The following FOXRED2 variants were observed in gnomAD, a reference collection of about 807,000 sequenced individuals.
FOXRED2 encodes FAD-dependent oxidoreductase domain-containing protein 2.
FOXRED2 carries 32 observed loss-of-function variants against 52.5 expected under a neutral mutation model. That is an observed-to-expected ratio of 0.61 (90% CI 0.46 to 0.82). FOXRED2 has a LOEUF of 0.82. Among genes scored for constraint, FOXRED2 ranks in the 40% least tolerant of loss-of-function variants. The pLI is 0.00. For missense variants in FOXRED2, 848 were observed against 937.5 expected, an observed-to-expected ratio of 0.90 and a Z score of 1.25; for synonymous variants, 405 against 398.1, an observed-to-expected ratio of 1.02 and a Z score of -0.21.
At chr22:36,496,305 C>T in intron 6 of FOXRED2, 97 bp from the exon 7 acceptor site, 1 of 1,446,338 alleles carries the variant, frequency 6.9e-7, no homozygotes, top group Non-Finnish European at 9.4e-7. Flanking sequence ...GTGTATCTCC[C>T]CCTCTAAGGA....
intron 6 of FOXRED2, among the ~76,000 whole-genome samples, chr22:36,496,897 G>A (rs1261554944): frequency 6.6e-6 from 1 of 152,100 alleles, no homozygotes; most frequent in Non-Finnish European, 1.5e-5. Flanking sequence ...TTGAGACAGG[G>A]GTGCCAGGCG....
At chr22:36,497,955 G>T (rs1010046841) in intron 6 of FOXRED2, 36 bp downstream of exon 6, 3 of 1,595,116 alleles carry the variant, frequency 1.9e-6, no homozygotes, top group Non-Finnish European at 2.6e-6. Context: ...CGGGAAAGCT[G>T]GGCCGAGGGG....
At chr22:36,503,197 C>T (rs1217372069) in intron 4 of FOXRED2, among the ~76,000 whole-genome samples, 1 of 151,852 alleles carries the variant, frequency 6.6e-6, no homozygotes, top group Non-Finnish European at 1.5e-5. Context: ...CCATGTTGTC[C>T]AGGCTAGTCT....
rs1568994412 is a variant in FOXRED2, at chr22:36,506,336, C to T, written c.87G>A (p.Pro29=). Residue 29 remains proline (P), a synonymous_variant, in exon 2 of 9, where the codon CCG becomes CCA. Transcript: ENST00000397224. ...CGCCCAGCACGCAGTAGTCCCGGCG[C>T]GGGGGCACCGACAGCGCTGGGTGCA... ...IALHPALSVP[P]RRDYCVLGAG... The T allele has an allele frequency of 2.0e-6, 3 of 1,494,980 alleles. No individual in the cohort carries two copies. The South Asian group carries it at 3.9e-5, about 19-fold the overall frequency. The allele number at this position is 1,494,980 out of a possible 1,614,324, so 92.6% of individuals were successfully genotyped here.
At position 36,506,172 on chromosome 22, in the gene FOXRED2, C is replaced by T. The variant is rs778518486; in HGVS notation, c.251G>A (p.Arg84Gln). 5 of 1,614,112 alleles carry T rather than the reference C, an allele frequency of 3.1e-6. No homozygotes were observed. Among genetic ancestry groups the T allele is most frequent in the East Asian group, 4.5e-5 (2 of 44,894 alleles). The change falls in exon 2 of 9, where the codon CGG becomes CAG. Residue 84 changes from arginine to glutamine, a missense_variant. Transcript: ENST00000397224. ...CTCGGCGTTAGCCTTGCCCGTGTACCGCTTGTTGATGCTGATGAGCTTGCG... is the reference window on the plus strand; with the variant it reads ...CTCGGCGTTAGCCTTGCCCGTGTACTGCTTGTTGATGCTGATGAGCTTGCG... ...RHRKLISINK[R>Q]YTGKANAEFN...
chr22:36,497,928 A>G, intron 6 of FOXRED2, 63 bp downstream of exon 6: 3 of 1,534,836 alleles, frequency 2.0e-6, no homozygotes, highest in South Asian at 1.2e-5. Flanking sequence ...TAGGAAGAGA[A>G]GCGCTATGCA....
intron 8 of FOXRED2, among the ~76,000 whole-genome samples, chr22:36,492,971 C>T (rs1294118919): frequency 2.0e-5 from 3 of 152,188 alleles, no homozygotes; most frequent in Non-Finnish European, 2.9e-5. Flanking sequence ...GGGCCAAAAC[C>T]ATGCATGTCA....
chr22:36,500,795 G>T (rs1934023077), intron 5 of FOXRED2, among the ~76,000 whole-genome samples: 1 of 152,052 alleles, frequency 6.6e-6, no homozygotes, highest in South Asian at 2.1e-4. Flanking sequence ...TGTTGCCCAG[G>T]CTGGTCTTGA....
Position 36,498,069 on chromosome 22 carries a change from G to A in FOXRED2, c.1304C>T (p.Ser435Phe). The stretch of plus-strand genomic sequence containing the variant: ...AGCCTCATTCACGCGCCGCACGATG[G>A]AGCTGGTCAGCTGTGTGATGGGGAG... ...TELPITQLTS[S>F]IVRRVNEASG... Residue 435 changes from serine to phenylalanine, a missense_variant, in exon 6 of 9, where the codon TCC (serine) becomes TTC (phenylalanine). Transcript: ENST00000397224. 6.2e-7 allele frequency: 1 copy of A among 1,614,044 alleles called. No homozygotes were observed. Among genetic ancestry groups the A allele is most frequent in the Non-Finnish European group, 8.5e-7 (1 of 1,180,030 alleles).
Position 36,504,653 on chromosome 22 carries a change from T to C in FOXRED2, c.641A>G (p.Gln214Arg). The change falls in exon 3 of 9, where the codon CAG (glutamine) becomes CGG (arginine). Residue 214 changes from glutamine (Q) to arginine (R), a missense_variant. Coordinates refer to ENST00000397224, the MANE Select transcript of FOXRED2 (RefSeq NM_001102371.2). ...CCCACGACCCAGGATCAGCACATTC[T>C]GGCCTACAAAGTCCTCAGGGTCCAC... ...VSVDPEDFVG[Q>R]NVLILGRGNS... The C allele has an allele frequency of 6.2e-7, 1 of 1,614,184 alleles. No homozygotes were observed. The highest frequency in any genetic ancestry group is 8.5e-7 in the Non-Finnish European group (1 of 1,180,028).
intron 8 of FOXRED2, 85 bp downstream of exon 8, chr22:36,493,548 C>T (rs898263700): frequency 3.3e-6 from 4 of 1,209,832 alleles, no homozygotes; most frequent in Admixed American, 4.5e-5. Flanking sequence ...AGATATGGGT[C>T]CTGAAACTCC....
At chr22:36,504,858 C>T in intron 2 of FOXRED2, 92 bp from the exon 3 acceptor site, 1 of 1,387,776 alleles carries the variant, frequency 7.2e-7, no homozygotes, top group African/African-American at 1.4e-5. Context: ...ACCCACCTGC[C>T]TGGCTCCAAC....
intron 7 of FOXRED2, among the ~76,000 whole-genome samples, chr22:36,494,202 T>C (rs919863492): frequency 6.6e-6 from 1 of 152,190 alleles, no homozygotes; most frequent in East Asian, 1.9e-4. Flanking sequence ...CCGCAACCTC[T>C]ACCTCCTGGG....
intron 7 of FOXRED2, 90 bp downstream of exon 7, chr22:36,495,877 T>A: frequency 1.4e-6 from 2 of 1,420,690 alleles, no homozygotes; most frequent in East Asian, 2.3e-5. Flanking sequence ...CAGCTGAGCA[T>A]GTGTGTGAAG....
intron 5 of FOXRED2, among the ~76,000 whole-genome samples, chr22:36,500,048 AC>A (rs1223853139): frequency 6.6e-6 from 1 of 152,072 alleles, no homozygotes; most frequent in African/African-American, 2.4e-5. Context: ...TGATCCACCC[AC>A]CTCAGTCTAC....
chr22:36,501,740 C>A (rs569813940), intron 4 of FOXRED2, among the ~76,000 whole-genome samples: 1 of 152,046 alleles, frequency 6.6e-6, no homozygotes. Context: ...GGATTACAAG[C>A]GCGAGCCACT....
chr22:36,493,764 G>A lies in FOXRED2; in HGVS notation c.1664C>T (p.Pro555Leu). 1 of 1,614,264 alleles carries A rather than the reference G, an allele frequency of 6.2e-7. No individual in the cohort carries two copies. Among genetic ancestry groups the A allele is most frequent in the East Asian group, 2.2e-5 (1 of 44,884 alleles). The change falls in exon 8 of 9, where the codon CCT becomes CTT. Residue 555 changes from proline (P) to leucine (L), a missense_variant. Pro to Leu is a moderately conservative substitution (Grantham distance 98, BLOSUM62 -3). Transcript: ENST00000397224. ...GATGTGATGGATGGCCGTGGGCCGA[G>A]GCAGGGGCCAGTGTGCAGGGCGGAA... ...VRFRPAHWPL[P>L]RPTAIHHIVE... is the part of the protein sequence containing the mutation.
chr22:36,495,958 C>T lies in FOXRED2; in HGVS notation c.1624+9G>A, dbSNP rs532162791. The T allele has an allele frequency of 6.2e-7, 1 of 1,612,826 alleles. No homozygotes were observed. Among genetic ancestry groups the T allele is most frequent in the Admixed American group, 1.7e-5 (1 of 60,018 alleles). On this transcript the variant is annotated intron_variant, in intron 7 of 8. Coordinates refer to ENST00000397224, the MANE Select transcript of FOXRED2 (RefSeq NM_001102371.2). ...CCCACAGGTTGGGGAAGGGCAGAGA[C>T]CTGCTCACCGGTGGGGAGGTATCTA...
Position 36,504,147 on chromosome 22 carries a change from G to T in FOXRED2, c.1000C>A (p.Arg334=). 6.2e-7 allele frequency: 1 copy of T among 1,614,244 alleles called. No homozygotes were observed. The highest frequency in any genetic ancestry group is 8.5e-7 in the Non-Finnish European group (1 of 1,180,050). ...DNFAMRVPYD[R]VIRCLGWNFD... The stretch of plus-strand genomic sequence containing the variant: ...TTCCAGCCCAGGCAGCGGATTACCC[G>T]GTCATAGGGCACGCGCATGGCAAAG... Residue 334 remains arginine, a synonymous_variant, in exon 4 of 9, where the codon CGG becomes AGG. Transcript: ENST00000397224.
Sources: gnomAD v4.1 joint callset for allele counts (sites outside exome capture counted in the v4.1 genomes callset) on GRCh38, gnomAD v4.1.1 for gene constraint, MANE v1.5 for transcripts, NCBI Gene and HGNC (gene_info 2026-07-23, HGNC 2026-07-21) for gene names.